The following C1RL variants were observed in gnomAD, a reference collection of about 807,000 sequenced individuals.
C1RL encodes the protein complement C1r subcomponent like, also known as complement C1r subcomponent-like protein.
In C1RL, 27 loss-of-function variants were observed where a neutral mutation model predicts 27.9. The ratio of observed to expected loss-of-function variants is 0.97; its 90% confidence interval spans 0.71 to 1.33. The LOEUF is 1.33. C1RL is among the 40% of genes most tolerant of loss of function. The pLI is 0.00. For synonymous variants in C1RL, 248 were observed against 252.1 expected (o/e 0.98, Z 0.15); for missense variants, 563 against 623.9 (o/e 0.90, Z 1.04).
chr12:7,095,381 TG>T lies in C1RL; in HGVS notation c.*1009del, dbSNP rs1236232452. ...CACCCACCTCGGACTCCTAAGGTGTTGGGATTACAGGCGTGAGCCACTGCGC... is the reference window on the plus strand; with the variant it reads ...CACCCACCTCGGACTCCTAAGGTGTTGGATTACAGGCGTGAGCCACTGCGC... On this transcript the variant is annotated 3_prime_UTR_variant, in exon 6 of 6. Transcript: ENST00000266542. 1 of 1,023,220 alleles carries T rather than the reference TG, an allele frequency of 9.8e-7. No homozygotes were observed. Among genetic ancestry groups the T allele is most frequent in the Non-Finnish European group, 1.2e-6 (1 of 850,026 alleles). 63.4% of individuals were successfully genotyped at this position (1,023,220 alleles called of 1,614,324 possible). A position where few individuals can be genotyped will look rare whatever the true frequency, so the allele number is the denominator to read the frequency against.
chr12:7,096,012 C>A lies in C1RL; in HGVS notation c.*379G>T, dbSNP rs1029759777. 8.8e-6 allele frequency: 9 copies of A among 1,018,048 alleles called. No individual in the cohort carries two copies. Among genetic ancestry groups the A allele is most frequent in the African/African-American group, 3.4e-5 (2 of 58,400 alleles). 63.1% of individuals were successfully genotyped at this position (1,018,048 alleles called of 1,614,324 possible). On this transcript the variant is annotated 3_prime_UTR_variant, in exon 6 of 6. Coordinates refer to ENST00000266542, the MANE Select transcript of C1RL (RefSeq NM_016546.4). ...AACCCCTTCCTCCATACTCTAATAG[C>A]GGGTGAGTAGCTGACTCTTCCACAG...
At position 7,094,918 on chromosome 12, in the gene C1RL, G is replaced by A; in HGVS notation, c.*1473C>T. 1 of 1,083,138 alleles carries A rather than the reference G, an allele frequency of 9.2e-7. No individual in the cohort carries two copies. Among genetic ancestry groups the A allele is most frequent in the Non-Finnish European group, 1.1e-6 (1 of 886,786 alleles). 67.1% of individuals were successfully genotyped at this position (1,083,138 alleles called of 1,614,324 possible). On this transcript the variant is annotated 3_prime_UTR_variant, in exon 6 of 6. Coordinates refer to ENST00000266542, the MANE Select transcript of C1RL (RefSeq NM_016546.4). ...TAATAATCTTTTGTACTGTATGTGG[G>A]TGTAAAAAACAGAAGTAATCACATG... is the stretch of plus-strand genomic sequence containing the variant.
chr12:7,102,159 A>G (rs1938647388), intron 2 of C1RL, 72 bp from the exon 3 acceptor site: 1 of 1,476,850 alleles, frequency 6.8e-7, no homozygotes, highest in African/African-American at 1.4e-5. Flanking sequence ...TCACAGGGGC[A>G]CATCCTCGGT....
At position 7,095,051 on chromosome 12, in the gene C1RL, G is replaced by C; in HGVS notation, c.*1340C>G. 8.7e-7 allele frequency: 1 copy of C among 1,153,992 alleles called. No individual in the cohort carries two copies. The highest frequency in any genetic ancestry group is 1.1e-6 in the Non-Finnish European group (1 of 925,114). 71.5% of individuals were successfully genotyped at this position (1,153,992 alleles called of 1,614,324 possible). On this transcript the variant is annotated 3_prime_UTR_variant, in exon 6 of 6. Transcript: ENST00000266542. The stretch of plus-strand genomic sequence containing the variant: ...AATTACCTCTCTTCTCTCTTTTATG[G>C]TGTTTATTTTCTATTTCCATTGAAC...
At position 7,101,879 on chromosome 12, in the gene C1RL, C is replaced by T; in HGVS notation, c.490+19G>A. The T allele has an allele frequency of 6.2e-7, 1 of 1,610,194 alleles. No homozygotes were observed. The highest frequency in any genetic ancestry group is 1.1e-5 in the South Asian group (1 of 90,998). ...GGGAACAGAGGCTCCCTCCCTGCAC[C>T]CCCAGGAGGGACACTCACCCACGGT... On this transcript the variant is annotated intron_variant, in intron 3 of 5. Transcript: ENST00000266542.
intron 5 of C1RL, among the ~76,000 whole-genome samples, chr12:7,099,139 C>T (rs780896549): frequency 6.3e-4 from 91 of 143,912 alleles, no homozygotes; most frequent in Non-Finnish European, 1.1e-3. Context: ...GCAGGAGAAT[C>T]GCTTGAACCC....
rs2135751130 is a variant in C1RL at position 7,096,123 on chromosome 12, C to T, written c.*268G>A. 3 of 1,236,810 alleles carry T rather than the reference C, an allele frequency of 2.4e-6. No individual in the cohort carries two copies. The highest frequency in any genetic ancestry group is 7.3e-5 in the East Asian group (2 of 27,480). The allele number at this position is 1,236,810 out of a possible 1,614,324, so 76.6% of individuals were successfully genotyped here. On this transcript the variant is annotated 3_prime_UTR_variant, in exon 6 of 6. Transcript: ENST00000266542. ...GGCGAAAGTTGTTGAGATGTACAGGCTTCCCGGGGCCTAGTGCATGAGCAC... is the reference window on the plus strand; with the variant it reads ...GGCGAAAGTTGTTGAGATGTACAGGTTTCCCGGGGCCTAGTGCATGAGCAC...
Position 7,095,262 on chromosome 12 carries a change from C to T in C1RL, c.*1129G>A, listed in dbSNP as rs769163118. The T allele has an allele frequency of 2.7e-6, 2 of 728,218 alleles. No homozygotes were observed. The highest frequency in any genetic ancestry group is 3.6e-6 in the Non-Finnish European group (2 of 555,366). The allele number at this position is 728,218 out of a possible 1,614,324, so 45.1% of individuals were successfully genotyped here. On this transcript the variant is annotated 3_prime_UTR_variant, in exon 6 of 6. Transcript: ENST00000266542. ...TCCCGAGTAGCTGGGACTACAGGCA[C>T]GTGTCACCACGCCCGGCTAATTTTT...
chr12:7,096,845 C>G lies in C1RL; in HGVS notation c.1010G>C (p.Ser337Thr), dbSNP rs967333591. Residue 337 changes from serine (S) to threonine (T), a missense_variant, in exon 6 of 6, where the codon AGC becomes ACC. Physicochemically the swap from Ser to Thr is moderately conservative, Grantham distance 58. Transcript: ENST00000266542. ...CAGCTCCAGGAGGGCGATGTCCCCG[C>G]TAAAGTTATGGGACTCATTCTGACG... ...DYRQNESHNF[S>T]GDIALLELQH... 3 of 1,603,672 alleles carry G rather than the reference C, an allele frequency of 1.9e-6. No individual in the cohort carries two copies. In the African/African-American group the frequency reaches 4.0e-5, roughly 21 times the overall value.
Position 7,095,883 on chromosome 12 carries a change from A to G in C1RL, c.*508T>C, listed in dbSNP as rs1938410382. On this transcript the variant is annotated 3_prime_UTR_variant, in exon 6 of 6. Coordinates refer to ENST00000266542, the MANE Select transcript of C1RL (RefSeq NM_016546.4). The stretch of plus-strand genomic sequence containing the variant: ...GGCATATAGAGGACATAAAATAAAA[A>G]AGGAGCTGTTTCTATAATTGCATCT... 2.0e-6 allele frequency: 2 copies of G among 976,174 alleles called. No individual in the cohort carries two copies. Among genetic ancestry groups the G allele is most frequent in the South Asian group, 4.7e-5 (1 of 21,088 alleles). The allele number at this position is 976,174 out of a possible 1,614,324, so 60.5% of individuals were successfully genotyped here.
Position 7,096,741 on chromosome 12 carries a change from A to G in C1RL, c.1114T>C (p.Leu372=), listed in dbSNP as rs1329528994. ...ATGCCAAACCCACTGACGTAGCCCA[A>G]CAAGCCGCTGCGGTAGAGGGTCTCA... ...DNETLYRSGL[L]GYVSGFGMEM... Residue 372 remains leucine, a synonymous_variant, in exon 6 of 6, where the codon TTG becomes CTG. Coordinates refer to ENST00000266542, the MANE Select transcript of C1RL (RefSeq NM_016546.4). 2 of 1,612,194 alleles carry G rather than the reference A, an allele frequency of 1.2e-6. No homozygotes were observed. Among genetic ancestry groups the G allele is most frequent in the Non-Finnish European group, 8.5e-7 (1 of 1,178,840 alleles).
intron 1 of C1RL, 116 bp downstream of exon 1, chr12:7,108,994 G>GTGTGTGTGTGTGTGTGTGTTT: frequency 7.8e-6 from 3 of 382,632 alleles, no homozygotes; most frequent in Non-Finnish European, 9.4e-6. Flanking sequence ...TGTGTGGGGG[G>GTGTGTGTGTGTGTGTGTGTTT]GGGGGGGATG....
In C1RL at chr12:7,096,226, G is replaced by T; in HGVS notation, c.*165C>A. ...GGATGGGGCGGGCTTGCCGGGTGGG[G>T]GTTTCTCTTGCAGTGGCTTGGTGCA... On this transcript the variant is annotated 3_prime_UTR_variant, in exon 6 of 6. Transcript: ENST00000266542. 1 of 1,391,068 alleles carries T rather than the reference G, an allele frequency of 7.2e-7. No homozygotes were observed. The highest frequency in any genetic ancestry group is 9.3e-7 in the Non-Finnish European group (1 of 1,077,078). The allele number at this position is 1,391,068 out of a possible 1,614,324, so 86.2% of individuals were successfully genotyped here.
rs1361227791 is a variant in C1RL at position 7,109,161 on chromosome 12, C to T, written c.20G>A (p.Trp7Ter). 10 of 1,601,762 alleles carry T rather than the reference C, an allele frequency of 6.2e-6. 1 individual carries two copies. Among genetic ancestry groups the T allele is most frequent in the South Asian group, 4.5e-5 (4 of 88,538 alleles). The change falls in exon 1 of 6, where the codon TGG (tryptophan) becomes TAG (stop). Residue 7 changes from tryptophan (W) to a stop codon, truncating the protein, a stop_gained. Transcript: ENST00000266542. LOFTEE classifies it high-confidence loss of function. ...AGGGCTTCTCCAGAGATATTTCCCC[C>T]ACACTCTGGGTCCAGGCATCTGGAA... MPGPRV[W>*]GKYLWRSPHS...
At position 7,105,351 on chromosome 12, in the gene C1RL, C is replaced by A. The variant is rs1350272182; in HGVS notation, c.300+2900G>T. Among the ~76,000 whole-genome samples, 3 of 152,222 alleles carry A rather than the reference C, an allele frequency of 2.0e-5. No homozygotes were observed. The East Asian group carries it at 5.8e-4, about 29-fold the overall frequency. ...GTGGCCTGATCTCGGCTTACTACAA[C>A]CTCCACCTCCCAGGTTCAAGCGATT... On this transcript the variant is annotated intron_variant, in intron 2 of 5. Transcript: ENST00000266542.
chr12:7,096,865 C>T lies in C1RL; in HGVS notation c.990G>A (p.Gln330=), dbSNP rs767506196. ...CCCCGCTAAAGTTATGGGACTCATT[C>T]TGACGGTAGTCGGGGTGCACAACGA... ...HRVVVHPDYR[Q]NESHNFSGDI... The change falls in exon 6 of 6, where the codon CAG becomes CAA. Residue 330 remains glutamine, a synonymous_variant. Coordinates refer to ENST00000266542, the MANE Select transcript of C1RL (RefSeq NM_016546.4). 44 of 1,600,782 alleles carry T rather than the reference C, an allele frequency of 2.7e-5. No individual in the cohort carries two copies. Among genetic ancestry groups the T allele is most frequent in the Non-Finnish European group, 3.8e-5 (44 of 1,172,400 alleles).
In C1RL at chr12:7,104,893, G is replaced by A. The variant is rs1406779820; in HGVS notation, c.301-2806C>T. On this transcript the variant is annotated intron_variant, in intron 2 of 5. Coordinates refer to ENST00000266542, the MANE Select transcript of C1RL (RefSeq NM_016546.4). The surrounding 1 kb of genome is among the most constrained non-coding windows in gnomAD (Gnocchi z 5.4). ...TATCAATTAGCTCTATGGCCAAATT[G>A]GTTTCATTCTATGTTATTTCTCTTA... Among the ~76,000 whole-genome samples the A allele has an allele frequency of 1.3e-5, 2 of 152,084 alleles. No homozygotes were observed. Among genetic ancestry groups the A allele is most frequent in the Admixed American group, 6.5e-5 (1 of 15,274 alleles).
intron 2 of C1RL, among the ~76,000 whole-genome samples, chr12:7,105,386 C>G (rs1427981008): frequency 6.6e-6 from 1 of 152,078 alleles, no homozygotes; most frequent in Non-Finnish European, 1.5e-5. Flanking sequence ...TCTTATGCCT[C>G]AGCCTCCCAA....
chr12:7,101,094 C>CCTCCCTCCCTCCCTCCTTCT (rs1440410561), intron 3 of C1RL, among the ~76,000 whole-genome samples: 1 of 99,738 alleles, frequency 1.0e-5, no homozygotes, highest in Non-Finnish European at 2.1e-5. Flanking sequence ...TCCTTCCCTC[C>CCTCCCTCCCTCCCTCCTTCT]TTCCCTCCTT....
Sources: allele counts gnomAD v4.1 joint callset (sites outside exome capture counted in the v4.1 genomes callset), GRCh38; gene constraint gnomAD v4.1.1; non-coding constraint Gnocchi (gnomAD v3.1); transcripts MANE v1.5; gene names NCBI Gene and HGNC (gene_info 2026-07-23, HGNC 2026-07-21).